The following ERICH2 variants were observed in gnomAD, a reference collection of about 807,000 sequenced individuals.
The protein encoded by ERICH2 is glutamate rich 2.
A neutral mutation model predicts 17.4 loss-of-function variants in ERICH2; 17 were observed. That is an observed-to-expected ratio of 0.98 (90% CI 0.67 to 1.47). ERICH2 has a LOEUF of 1.47. Ranked by LOEUF, ERICH2 falls within the 40% of genes most tolerant of loss-of-function variation. ERICH2 has a pLI of 0.00. For synonymous variants in ERICH2, 51 were observed against 61.1 expected, an observed-to-expected ratio of 0.83 and a Z score of 0.77; for missense variants, 186 against 183.2, an observed-to-expected ratio of 1.01 and a Z score of -0.09.
chr2:170,796,894 G>T (rs1005950633), intron 3 of ERICH2, among the ~76,000 whole-genome samples: 4 of 152,120 alleles, frequency 2.6e-5, no homozygotes, highest in Admixed American at 6.6e-5. Flanking sequence ...AGTAGAGAGA[G>T]ATCTGTGGAG....
At chr2:170,779,105 G>A (rs1410945463), upstream of ERICH2, among the ~76,000 whole-genome samples, 1 of 152,156 alleles carries the variant, frequency 6.6e-6, no homozygotes, top group Non-Finnish European at 1.5e-5. Flanking sequence ...TGTCACCTCA[G>A]GTACTTCACC....
chr2:170,770,974 TGCCCCCGCCCCC>T, the ERICH2 span: 6 of 35,594 alleles, frequency 1.7e-4, no homozygotes, highest in Non-Finnish European at 3.1e-4. Flanking sequence ...GGGCTGCCCC[TGCCCCCGCCCCC>T]GCCCCCGCCA....
upstream of ERICH2, among the ~76,000 whole-genome samples, chr2:170,780,051 A>G (rs761441498): frequency 1.7e-4 from 26 of 152,236 alleles, no homozygotes; most frequent in Non-Finnish European, 3.1e-4. Flanking sequence ...AACTTAGGTT[A>G]TCTGCCCTCT....
chr2:170,770,461 G>C, the ERICH2 span, among the ~76,000 whole-genome samples: 2 of 152,122 alleles, frequency 1.3e-5, no homozygotes, highest in Non-Finnish European at 2.9e-5. Flanking sequence ...CTAATCACTT[G>C]AATCTGACTT....
At chr2:170,797,570 G>T (rs1701458869) in intron 3 of ERICH2, among the ~76,000 whole-genome samples, 1 of 152,088 alleles carries the variant, frequency 6.6e-6, no homozygotes, top group East Asian at 1.9e-4. Flanking sequence ...GGCCGAGGTG[G>T]GTGGATCACC....
chr2:170,780,195 ATTG>A (rs1246808973), upstream of ERICH2, among the ~76,000 whole-genome samples: 2 of 152,178 alleles, frequency 1.3e-5, no homozygotes, highest in Non-Finnish European at 2.9e-5. Context: ...CTCAGTTGTA[ATTG>A]TAGTTAACAA....
chr2:170,784,712 T>G lies in ERICH2; in HGVS notation c.95T>G (p.Ile32Ser), dbSNP rs948172358. The G allele has an allele frequency of 4.5e-6, 7 of 1,546,332 alleles. No homozygotes were observed. The African/African-American group carries it at 9.6e-5, about 21-fold the overall frequency. ...AATAATGAATATTGCCTTCAGGATATTGATGATAAATTGTCAGAATCAGCA... is the reference window on the plus strand; with the variant it reads ...AATAATGAATATTGCCTTCAGGATAGTGATGATAAATTGTCAGAATCAGCA... Residue 32 changes from isoleucine (I) to serine (S), a missense_variant, in exon 2 of 5, where the codon ATT (isoleucine) becomes AGT (serine). Ile to Ser is a moderately radical substitution (Grantham distance 142). Coordinates refer to ENST00000409885, the Ensembl canonical transcript of ERICH2.
intron 2 of ERICH2, among the ~76,000 whole-genome samples, chr2:170,790,606 G>A (rs926100647): frequency 1.4e-5 from 2 of 147,914 alleles, no homozygotes; most frequent in Non-Finnish European, 3.0e-5. Context: ...CAGCCTGGGG[G>A]ATAGAGCAAG....
At chr2:170,798,788 A>G (rs1315916089) in exon 5 of ERICH2, 1 of 1,550,672 alleles carries the variant, frequency 6.4e-7, no homozygotes, top group South Asian at 1.2e-5. Flanking sequence ...CAGAATCATG[A>G]GCAAGACGGT....
At chr2:170,784,199 G>A (rs1701093562) in intron 1 of ERICH2, among the ~76,000 whole-genome samples, 1 of 152,182 alleles carries the variant, frequency 6.6e-6, no homozygotes, top group African/African-American at 2.4e-5. Flanking sequence ...TTCAAACTGT[G>A]AAAGACTTCC....
intron 3 of ERICH2, among the ~76,000 whole-genome samples, chr2:170,796,446 T>C (rs1164245679): frequency 8.3e-6 from 1 of 120,894 alleles, no homozygotes; most frequent in African/African-American, 2.7e-5. Flanking sequence ...TTTTGTTTTT[T>C]TTTTTTTGAG....
chr2:170,777,523 G>T, the ERICH2 span: 3 of 1,072,996 alleles, frequency 2.8e-6, no homozygotes, highest in Non-Finnish European at 3.6e-6. Context: ...GAATGACTTA[G>T]TAATTAAATC....
intron 3 of ERICH2, among the ~76,000 whole-genome samples, chr2:170,793,767 C>T (rs982496874): frequency 3.9e-5 from 6 of 152,200 alleles, no homozygotes; most frequent in African/African-American, 1.4e-4. Context: ...TATGATCTAC[C>T]TTATTTTTCT....
At chr2:170,785,597 T>G (rs200436537) in intron 2 of ERICH2, among the ~76,000 whole-genome samples, 2 of 144,628 alleles carry the variant, frequency 1.4e-5, no homozygotes, top group East Asian at 4.0e-4. Context: ...AAAAGTTATT[T>G]ATTAAGTTTT....
chr2:170,778,917 A>T (rs969178121), upstream of ERICH2, among the ~76,000 whole-genome samples: 1 of 152,202 alleles, frequency 6.6e-6, no homozygotes, highest in African/African-American at 2.4e-5. Context: ...GATAAATCAG[A>T]TGCAGTCTAG....
exon 5 of ERICH2, chr2:170,798,924 A>G (rs1278641519): frequency 2.6e-6 from 4 of 1,548,944 alleles, no homozygotes; most frequent in African/African-American, 2.7e-5. Context: ...AGCTTCATGT[A>G]TTTTCATTAA....
chr2:170,782,228 G>A, upstream of ERICH2: 1 of 881,240 alleles, frequency 1.1e-6, no homozygotes, highest in Non-Finnish European at 1.4e-6. Context: ...TTTTTTCACT[G>A]TCTAACATAT....
At chr2:170,779,424 T>C (rs1266463421), upstream of ERICH2, among the ~76,000 whole-genome samples, 8 of 152,218 alleles carry the variant, frequency 5.3e-5, no homozygotes, top group Non-Finnish European at 2.9e-5. Flanking sequence ...AAACCACAAG[T>C]TTCAAACTTC....
chr2:170,778,007 A>G, the ERICH2 span: 257 of 240,178 alleles, frequency 1.1e-3, no homozygotes, highest in African/African-American at 5.5e-3. Context: ...TTTCTTTCAC[A>G]ATATTTCTTC....
Sources: gnomAD v4.1 joint callset for allele counts (sites outside exome capture counted in the v4.1 genomes callset) on GRCh38, gnomAD v4.1.1 for gene constraint, MANE v1.5 for transcripts, NCBI Gene and HGNC (gene_info 2026-07-23, HGNC 2026-07-21) for gene names.